KALRN: variants seen among roughly 807,000 people sequenced by gnomAD.
KALRN encodes the protein kalirin RhoGEF kinase.
A neutral mutation model predicts 353.7 loss-of-function variants in KALRN; 70 were observed. The observed-to-expected ratio is 0.20, with a 90% confidence interval of 0.16 to 0.24. The LOEUF (loss-of-function observed/expected upper bound fraction) is 0.24. Ranked by LOEUF, KALRN falls within the 10% of genes least tolerant of loss-of-function variation. KALRN has a pLI of 1.00. For synonymous variants in KALRN, 1,391 were observed against 1,434.8 expected (o/e 0.97, Z 0.69); for missense variants, 2,791 against 3,756.7 (o/e 0.74, Z 6.72).
intron 3 of KALRN, among the ~76,000 whole-genome samples, chr3:124,247,628 C>T (rs935669993): frequency 4.6e-5 from 7 of 152,186 alleles, no homozygotes; most frequent in African/African-American, 1.2e-4. Flanking sequence ...GTGCCCCAAG[C>T]GAACTTATCT....
At chr3:124,330,108 G>C in intron 8 of KALRN, 116 bp downstream of exon 8, 1 of 1,128,052 alleles carries the variant, frequency 8.9e-7, no homozygotes, top group Middle Eastern at 2.4e-4. Flanking sequence ...AGAAGAGGCT[G>C]TTTTTCTTTT....
chr3:124,394,417 A>G (rs981345887), intron 11 of KALRN, among the ~76,000 whole-genome samples: 2 of 152,142 alleles, frequency 1.3e-5, no homozygotes, highest in African/African-American at 4.8e-5. Flanking sequence ...TCAATAAATG[A>G]TTTTTCAGTA....
chr3:124,564,359 G>T (rs1242534677), intron 34 of KALRN, among the ~76,000 whole-genome samples: 1 of 152,086 alleles, frequency 6.6e-6, no homozygotes, highest in Non-Finnish European at 1.5e-5. Context: ...CTCCAACCTG[G>T]CTGACAGAGA....
At chr3:124,182,838 T>A (rs762489422) in intron 1 of KALRN, among the ~76,000 whole-genome samples, 1 of 152,230 alleles carries the variant, frequency 6.6e-6, no homozygotes, top group African/African-American at 2.4e-5. Context: ...TCCTTATCTA[T>A]GCTGACCAAA....
intron 10 of KALRN, among the ~76,000 whole-genome samples, chr3:124,352,516 A>G (rs2082936941): frequency 6.6e-6 from 1 of 152,252 alleles, no homozygotes; most frequent in African/African-American, 2.4e-5. Context: ...ATCACATTTA[A>G]GCAGCTAGAC....
intron 33 of KALRN, chr3:124,519,459 T>C (rs2108989992): frequency 1.0e-6 from 1 of 985,398 alleles, no homozygotes; most frequent in Non-Finnish European, 1.2e-6. Context: ...TACACTCATT[T>C]TCTAACTTTT....
At chr3:124,106,382 C>T (rs907675683) in intron 1 of KALRN, among the ~76,000 whole-genome samples, 2 of 152,102 alleles carry the variant, frequency 1.3e-5, no homozygotes, top group African/African-American at 4.8e-5. Flanking sequence ...ATTCAAACCT[C>T]CGATGACCCT....
At chr3:124,141,350 T>G (rs2066604868) in intron 1 of KALRN, among the ~76,000 whole-genome samples, 7 of 152,310 alleles carry the variant, frequency 4.6e-5, no homozygotes, top group Admixed American at 4.6e-4. Flanking sequence ...CCAACCCCAC[T>G]TTTTTATACT....
intron 10 of KALRN, among the ~76,000 whole-genome samples, chr3:124,366,210 T>A (rs1051411610): frequency 4.0e-5 from 6 of 151,690 alleles, no homozygotes; most frequent in African/African-American, 7.3e-5. Context: ...TTTTTTTTTT[T>A]AATTTATTTT....
intron 1 of KALRN, among the ~76,000 whole-genome samples, chr3:124,201,429 T>G (rs1321133468): frequency 6.6e-6 from 1 of 152,232 alleles, no homozygotes; most frequent in Non-Finnish European, 1.5e-5. Context: ...TCCTGGTCAC[T>G]CCAGTGTCTT....
At chr3:124,091,123 G>A (rs1329776449) in intron 1 of KALRN, among the ~76,000 whole-genome samples, 2 of 152,210 alleles carry the variant, frequency 1.3e-5, no homozygotes, top group Non-Finnish European at 2.9e-5. Flanking sequence ...ATCGCCAAGG[G>A]GACAGAAGTG....
intron 33 of KALRN, chr3:124,562,628 A>AT (rs149842573): frequency 3.2e-4 from 116 of 367,936 alleles, no homozygotes; most frequent in Non-Finnish European, 4.8e-4. Flanking sequence ...TGCTAATTAC[A>AT]TTTTTTTCTT....
At chr3:124,142,859 C>T (rs2066807587) in intron 1 of KALRN, among the ~76,000 whole-genome samples, 1 of 152,168 alleles carries the variant, frequency 6.6e-6, no homozygotes, top group Non-Finnish European at 1.5e-5. Flanking sequence ...TCCTTCTCCT[C>T]CTCCTCCCAC....
At chr3:124,171,402 G>T (rs754329118) in intron 1 of KALRN, among the ~76,000 whole-genome samples, 1 of 152,156 alleles carries the variant, frequency 6.6e-6, no homozygotes, top group Non-Finnish European at 1.5e-5. Context: ...AACTCTCTCT[G>T]TTCATCTTTT....
chr3:124,192,068 T>G (rs1353969986), intron 1 of KALRN, among the ~76,000 whole-genome samples: 2 of 152,186 alleles, frequency 1.3e-5, no homozygotes, highest in Non-Finnish European at 2.9e-5. Context: ...AGACACTGGT[T>G]GGTATAGGCT....
intron 34 of KALRN, among the ~76,000 whole-genome samples, chr3:124,579,383 T>C (rs1268956228): frequency 6.6e-6 from 1 of 152,238 alleles, no homozygotes; most frequent in African/African-American, 2.4e-5. Context: ...CAGGTATCAC[T>C]GAAGACAAAG....
chr3:124,044,149 A>G (rs892364020), intron 1 of KALRN, among the ~76,000 whole-genome samples: 4 of 152,076 alleles, frequency 2.6e-5, no homozygotes, highest in African/African-American at 4.8e-5. Context: ...TCTTTCTTGG[A>G]CCCAAACACT....
chr3:124,295,185 C>T (rs1406825687), intron 5 of KALRN, among the ~76,000 whole-genome samples: 1 of 152,142 alleles, frequency 6.6e-6, no homozygotes, highest in Non-Finnish European at 1.5e-5. Context: ...TGTGATTGTC[C>T]CTTAGGAAAC....
intron 6 of KALRN, among the ~76,000 whole-genome samples, chr3:124,301,944 C>G (rs569450076): frequency 1.3e-5 from 2 of 152,294 alleles, no homozygotes; most frequent in South Asian, 4.1e-4. Context: ...TTTTACCACA[C>G]GGAAATAGGC....
Sources: gnomAD v4.1 joint callset for allele counts (sites outside exome capture counted in the v4.1 genomes callset) on GRCh38, gnomAD v4.1.1 for gene constraint, MANE v1.5 for transcripts, NCBI Gene and HGNC (gene_info 2026-07-23, HGNC 2026-07-21) for gene names.